TTC1: variants seen among roughly 807,000 people sequenced by gnomAD.
The protein encoded by TTC1 is tetratricopeptide repeat domain 1, also known as tetratricopeptide repeat protein 1.
A neutral mutation model predicts 37.6 loss-of-function variants in TTC1; 31 were observed. The ratio of observed to expected loss-of-function variants is 0.82; its 90% CI spans 0.62 to 1.11. The LOEUF (loss-of-function observed/expected upper bound fraction) is 1.11. Ranked by LOEUF, TTC1 falls within the 50% of genes most tolerant of loss-of-function variation. TTC1 has a pLI of 0.00. For missense variants in TTC1, 351 were observed against 339.0 expected (o/e 1.04, Z -0.28); for synonymous variants, 127 against 122.4 (o/e 1.04, Z -0.25).
intron 2 of TTC1, among the ~76,000 whole-genome samples, chr5:160,013,987 G>A (rs1581091304): frequency 6.6e-6 from 1 of 152,294 alleles, no homozygotes; most frequent in Admixed American, 6.5e-5. Context: ...CAGTATGGTA[G>A]CTGCTGACTA....
chr5:160,018,723 A>C (rs1442192183), intron 2 of TTC1, among the ~76,000 whole-genome samples: 1 of 152,208 alleles, frequency 6.6e-6, no homozygotes, highest in Non-Finnish European at 1.5e-5. Flanking sequence ...CATTTTAATA[A>C]GAGAATTCAG....
chr5:160,036,402 T>A (rs2113369849), intron 3 of TTC1: 1 of 250,298 alleles, frequency 4.0e-6, no homozygotes, highest in African/African-American at 2.2e-5. Context: ...AACTGAACAT[T>A]GAGGGAATGC....
At chr5:160,045,449 A>G (rs902955887) in intron 5 of TTC1, among the ~76,000 whole-genome samples, 1 of 56,180 alleles carries the variant, frequency 1.8e-5, no homozygotes, top group Non-Finnish European at 3.6e-5. Flanking sequence ...GACATCCCCC[A>G]CCCTCCACAC....
chr5:160,048,654 T>C lies in TTC1; in HGVS notation c.542-860T>C, dbSNP rs976416093. Among the ~76,000 whole-genome samples, 4 of 152,180 alleles carry C rather than the reference T, an allele frequency of 2.6e-5. No individual in the cohort carries two copies. In the East Asian group the frequency reaches 7.7e-4, roughly 29 times the overall value. On this transcript the variant is annotated intron_variant, in intron 5 of 7. Coordinates refer to ENST00000231238, the MANE Select transcript of TTC1 (RefSeq NM_003314.3). ...AACAGTGAGGATTTAACTAGAAATA[T>C]AATCTTAGTACTCAAGACCTAGAAA...
At chr5:160,032,746 A>G (rs1468984502) in intron 2 of TTC1, among the ~76,000 whole-genome samples, 4 of 110,510 alleles carry the variant, frequency 3.6e-5, no homozygotes, top group Non-Finnish European at 6.7e-5. Context: ...ACGGAGTCTC[A>G]CTCTGTCGCC....
chr5:160,050,409 T>C (rs1240915724), intron 6 of TTC1, among the ~76,000 whole-genome samples: 1 of 152,136 alleles, frequency 6.6e-6, no homozygotes, highest in Non-Finnish European at 1.5e-5. Context: ...ATTGCGCCAC[T>C]GCACTCCAGT....
intron 5 of TTC1, among the ~76,000 whole-genome samples, chr5:160,047,166 A>T (rs979330592): frequency 6.6e-6 from 1 of 152,088 alleles, no homozygotes; most frequent in Non-Finnish European, 1.5e-5. Context: ...TCTGACTTCT[A>T]CCCTGTAGTC....
intron 2 of TTC1, among the ~76,000 whole-genome samples, chr5:160,033,738 C>T (rs988944546): frequency 1.3e-5 from 2 of 152,152 alleles, no homozygotes; most frequent in African/African-American, 2.4e-5. Context: ...ATGGGGGAAC[C>T]GTCCCCATGA....
intron 2 of TTC1, among the ~76,000 whole-genome samples, chr5:160,016,023 C>T (rs1460720270): frequency 6.6e-6 from 1 of 152,206 alleles, no homozygotes; most frequent in Non-Finnish European, 1.5e-5. Flanking sequence ...AAAATGTGTT[C>T]TTCCCAGAGT....
Position 160,032,749 on chromosome 5 carries a change from C to G in TTC1, c.331-2391C>G, listed in dbSNP as rs1756934182. ...TTTTTTTTTGAGACGGAGTCTCACTCTGTCGCCAGGCTAGAGTGCAGTGGC... is the reference window on the plus strand; with the variant it reads ...TTTTTTTTTGAGACGGAGTCTCACTGTGTCGCCAGGCTAGAGTGCAGTGGC... On this transcript the variant is annotated intron_variant, in intron 2 of 7. Transcript: ENST00000231238. Among the ~76,000 whole-genome samples the G allele has an allele frequency of 7.0e-5, 8 of 114,006 alleles. No individual in the cohort carries two copies. In the South Asian group the frequency reaches 2.5e-3, roughly 36 times the overall value. The allele number at this position is 114,006 out of a possible 152,430, so 74.8% of individuals were successfully genotyped here.
intron 6 of TTC1, 86 bp downstream of exon 6, chr5:160,049,748 T>C: frequency 8.6e-7 from 1 of 1,165,726 alleles, no homozygotes; most frequent in Non-Finnish European, 1.2e-6. Flanking sequence ...TCAGACACAA[T>C]TAAATTCCAT....
intron 5 of TTC1, among the ~76,000 whole-genome samples, chr5:160,045,763 G>T (rs1479974730): frequency 1.3e-5 from 2 of 151,452 alleles, no homozygotes; most frequent in African/African-American, 4.9e-5. Context: ...TATTTTTTGG[G>T]ACAGAGACTC....
chr5:160,031,540 G>T (rs953627221), intron 2 of TTC1, among the ~76,000 whole-genome samples: 1 of 152,044 alleles, frequency 6.6e-6, no homozygotes, highest in Non-Finnish European at 1.5e-5. Flanking sequence ...CTTGAATCTG[G>T]GAGGCAGAGG....
chr5:160,052,005 A>G (rs1359118451), intron 7 of TTC1, among the ~76,000 whole-genome samples: 1 of 152,266 alleles, frequency 6.6e-6, no homozygotes, highest in Non-Finnish European at 1.5e-5. Flanking sequence ...GCATCCAGAC[A>G]ATGGGAACAA....
chr5:160,025,172 C>T (rs546967593), intron 2 of TTC1, among the ~76,000 whole-genome samples: 78 of 152,236 alleles, frequency 5.1e-4, no homozygotes, highest in Middle Eastern at 3.4e-3. Context: ...GGATTACAGG[C>T]GCCTGCCACC....
At chr5:160,012,720 C>CT (rs746297170) in intron 2 of TTC1, among the ~76,000 whole-genome samples, 15 of 152,106 alleles carry the variant, frequency 9.9e-5, no homozygotes, top group Non-Finnish European at 1.6e-4. Context: ...TAGAACAATA[C>CT]TTTTTTTCAC....
At position 160,043,257 on chromosome 5, in the gene TTC1, G is replaced by A. The variant is rs1399681071; in HGVS notation, c.541+88G>A. 5.0e-6 allele frequency: 7 copies of A among 1,401,578 alleles called. 1 individual carries two copies. The East Asian group carries it at 9.3e-5, about 19-fold the overall frequency. 86.8% of individuals were successfully genotyped at this position (1,401,578 alleles called of 1,614,324 possible). On this transcript the variant is annotated intron_variant, in intron 5 of 7. Coordinates refer to ENST00000231238, the MANE Select transcript of TTC1 (RefSeq NM_003314.3). ...TTGGGTCAGGTGTGCACTTGTACAT[G>A]TGTACCCTTCCTCTGGGGCCTTGCA... is the stretch of plus-strand genomic sequence containing the variant.
At chr5:160,053,312 G>T (rs566479397) in intron 7 of TTC1, among the ~76,000 whole-genome samples, 2 of 152,290 alleles carry the variant, frequency 1.3e-5, no homozygotes, top group East Asian at 3.9e-4. Context: ...GGTAGTGTGG[G>T]CTGGGTGTGG....
At chr5:160,038,262 C>A (rs1194432688) in intron 4 of TTC1, among the ~76,000 whole-genome samples, 2 of 152,160 alleles carry the variant, frequency 1.3e-5, no homozygotes, top group Non-Finnish European at 2.9e-5. Flanking sequence ...ATTAATGTGT[C>A]CCACCAGCAA....
Sources: gnomAD v4.1 joint callset for allele counts (sites outside exome capture counted in the v4.1 genomes callset) on GRCh38, gnomAD v4.1.1 for gene constraint, MANE v1.5 for transcripts, NCBI Gene and HGNC (gene_info 2026-07-23, HGNC 2026-07-21) for gene names.